CFAP210: variants seen among roughly 807,000 people sequenced by gnomAD.
CFAP210 encodes the protein cilia and flagella associated protein 210.
At chr2:169,692,444 G>GCACACACACA in the CFAP210 span, among the ~76,000 whole-genome samples, 477 of 143,776 alleles carry the variant, frequency 3.3e-3, 5 homozygotes, top group African/African-American at 0.012. Context: ...ACAGGCGCAC[G>GCACACACACA]CACACACACA....
At chr2:169,683,871 A>G in the CFAP210 span, among the ~76,000 whole-genome samples, 4 of 152,232 alleles carry the variant, frequency 2.6e-5, no homozygotes, top group African/African-American at 9.6e-5. Context: ...CCACAAAGAA[A>G]AAAAAAGCCC....
chr2:169,674,869 G>T, the CFAP210 span: 1 of 1,509,734 alleles, frequency 6.6e-7, no homozygotes. Flanking sequence ...AGTAGTACAT[G>T]AAAGTTTTTC....
chr2:169,658,695 A>C, the CFAP210 span: 2 of 287,180 alleles, frequency 7.0e-6, no homozygotes, highest in African/African-American at 4.5e-5. Context: ...TTCTGTCTAC[A>C]ACAGGTGCTT....
chr2:169,669,645 A>C, the CFAP210 span, among the ~76,000 whole-genome samples: 1 of 152,120 alleles, frequency 6.6e-6, no homozygotes, highest in African/African-American at 2.4e-5. Context: ...TGAGGAATCA[A>C]GGTGAATTAT....
At chr2:169,666,888 T>G in the CFAP210 span, among the ~76,000 whole-genome samples, 1 of 152,200 alleles carries the variant, frequency 6.6e-6, no homozygotes, top group African/African-American at 2.4e-5. Flanking sequence ...AGAAACCACT[T>G]TCTTTGCTCA....
At chr2:169,656,998 A>T in the CFAP210 span, among the ~76,000 whole-genome samples, 26 of 53,132 alleles carry the variant, frequency 4.9e-4, 1 homozygote, top group Middle Eastern at 0.011. Flanking sequence ...GAACAGAGTA[A>T]AAAAAAAAGA....
chr2:169,681,219 CAG>C, the CFAP210 span: 11 of 1,608,842 alleles, frequency 6.8e-6, no homozygotes, highest in Non-Finnish European at 9.3e-6. Context: ...TGATCTTCTT[CAG>C]AGTTTCTTAT....
At chr2:169,673,107 C>A in the CFAP210 span, among the ~76,000 whole-genome samples, 703 of 152,276 alleles carry the variant, frequency 4.6e-3, 8 homozygotes, top group African/African-American at 0.016. Context: ...GACGTCAGAG[C>A]TTGATGAACA....
chr2:169,645,819 C>G, the CFAP210 span: 7 of 1,501,160 alleles, frequency 4.7e-6, no homozygotes, highest in Non-Finnish European at 6.4e-6. Flanking sequence ...TTAGTCTTCT[C>G]AATGTTAAAA....
the CFAP210 span, chr2:169,681,238 T>C: frequency 2.5e-6 from 4 of 1,579,986 alleles, no homozygotes; most frequent in East Asian, 2.3e-5. Context: ...TTATTTCTAA[T>C]AAATTGTAAA....
At chr2:169,663,808 A>C in the CFAP210 span, among the ~76,000 whole-genome samples, 1 of 151,734 alleles carries the variant, frequency 6.6e-6, no homozygotes, top group East Asian at 1.9e-4. Context: ...AAAAAAAAAA[A>C]CCAAGCTTCC....
chr2:169,693,207 T>C, the CFAP210 span, among the ~76,000 whole-genome samples: 1 of 152,252 alleles, frequency 6.6e-6, no homozygotes, highest in Admixed American at 6.5e-5. Flanking sequence ...CAACTTAGCC[T>C]TCCCCTAAAA....
the CFAP210 span, chr2:169,680,954 GA>G: frequency 6.9e-7 from 1 of 1,451,070 alleles, no homozygotes; most frequent in Non-Finnish European, 9.6e-7. Flanking sequence ...AGAGTACTAA[GA>G]AACAAGAGTA....
the CFAP210 span, among the ~76,000 whole-genome samples, chr2:169,681,694 C>T: frequency 1.3e-5 from 2 of 152,214 alleles, no homozygotes; most frequent in African/African-American, 4.8e-5. Context: ...ATTTGGAGAA[C>T]TCACTATAGT....
chr2:169,682,253 A>C, the CFAP210 span, among the ~76,000 whole-genome samples: 3 of 152,306 alleles, frequency 2.0e-5, no homozygotes, highest in African/African-American at 7.2e-5. Flanking sequence ...AGGGGCATTA[A>C]GTAATGGACT....
chr2:169,676,140 C>T, the CFAP210 span, among the ~76,000 whole-genome samples: 1 of 152,218 alleles, frequency 6.6e-6, no homozygotes, highest in Non-Finnish European at 1.5e-5. Context: ...CTTTCCTTTC[C>T]TATTTGCAAT....
chr2:169,666,121 T>A, the CFAP210 span, among the ~76,000 whole-genome samples: 1 of 152,150 alleles, frequency 6.6e-6, no homozygotes, highest in South Asian at 2.1e-4. Context: ...ACCAAATTCA[T>A]CATCCTCCTC....
At chr2:169,693,551 T>C in the CFAP210 span, among the ~76,000 whole-genome samples, 2 of 152,370 alleles carry the variant, frequency 1.3e-5, no homozygotes, top group South Asian at 2.1e-4. Flanking sequence ...ATACTTCAAA[T>C]TGCCAAAGTT....
chr2:169,653,051 T>A, the CFAP210 span, among the ~76,000 whole-genome samples: 63 of 99,786 alleles, frequency 6.3e-4, no homozygotes, highest in Non-Finnish European at 1.0e-3. Context: ...TATATATATA[T>A]ATATATATAT....
Sources: allele counts gnomAD v4.1 joint callset (sites outside exome capture counted in the v4.1 genomes callset), GRCh38; gene constraint gnomAD v4.1.1; transcripts MANE v1.5; gene names NCBI Gene and HGNC (gene_info 2026-07-23, HGNC 2026-07-21).